Variants in AFAP1L2 observed in about 807,000 individuals in gnomAD.
AFAP1L2 encodes actin filament-associated protein 1-like 2.
In AFAP1L2, 46 loss-of-function variants were observed where a neutral mutation model predicts 99.3. The observed-to-expected ratio is 0.46, with a 90% CI of 0.37 to 0.59. The LOEUF (loss-of-function observed/expected upper bound fraction) is 0.59. Ranked by LOEUF, AFAP1L2 falls within the 20% of genes least tolerant of loss-of-function variation. The pLI, the probability that AFAP1L2 is intolerant of heterozygous loss-of-function variation, is 0.00. For missense variants in AFAP1L2, 959 were observed against 1,034.9 expected, an observed-to-expected ratio of 0.93 and a Z score of 1.01; for synonymous variants, 397 against 419.1, an observed-to-expected ratio of 0.95 and a Z score of 0.64.
chr10:114,296,294 C>A (rs1428265976), intron 18 of AFAP1L2: 3 of 563,476 alleles, frequency 5.3e-6, no homozygotes, highest in Non-Finnish European at 9.4e-6. Flanking sequence ...TCTCTCACAG[C>A]AACAAGGGAG....
chr10:114,323,277 A>G lies in AFAP1L2; in HGVS notation c.316-16T>C, dbSNP rs1311007807. 6.3e-7 allele frequency: 1 copy of G among 1,577,850 alleles called. No individual in the cohort carries two copies. Among genetic ancestry groups the G allele is most frequent in the East Asian group, 2.3e-5 (1 of 43,456 alleles). On this transcript the variant is annotated splice_polypyrimidine_tract_variant and intron_variant, in intron 4 of 18. Transcript: ENST00000304129. ...GTTCTGGAATCTGTGGTATGAACAA[A>G]TAAGACAAACGTTTGCAGATATGGT...
rs78362264 is a variant in AFAP1L2, at chr10:114,339,560, G to C, written c.145+1043C>G. On this transcript the variant is annotated intron_variant, in intron 2 of 18. Coordinates refer to ENST00000304129, the MANE Select transcript of AFAP1L2 (RefSeq NM_001001936.3). ...GGGTCAGTCCCGCACCATTGTTATG[G>C]GGTGAAGTGTGTCCCCTGAAAATTC... Among the ~76,000 whole-genome samples the C allele has an allele frequency of 5.4e-4, 83 of 152,348 alleles. 1 individual carries two copies. Among genetic ancestry groups the C allele is most frequent in the Non-Finnish European group, 1.0e-3 (70 of 68,032 alleles).
intron 10 of AFAP1L2, among the ~76,000 whole-genome samples, chr10:114,306,308 C>CGCGGGG (rs1564812603): frequency 9.4e-5 from 8 of 84,888 alleles, no homozygotes; most frequent in East Asian, 4.4e-4. Flanking sequence ...CAGGAGGGGA[C>CGCGGGG]GCAGATCCAG....
the AFAP1L2 span, among the ~76,000 whole-genome samples, chr10:114,285,591 A>G: frequency 6.6e-6 from 1 of 152,366 alleles, no homozygotes; most frequent in South Asian, 2.1e-4. Flanking sequence ...TGCAAAAGGC[A>G]AAGCAGTGAA....
intron 1 of AFAP1L2, among the ~76,000 whole-genome samples, chr10:114,397,640 T>C (rs2057851638): frequency 6.6e-6 from 1 of 152,128 alleles, no homozygotes; most frequent in Admixed American, 6.5e-5. Flanking sequence ...ACCAGGAAAG[T>C]CCCAAGCAAG....
At chr10:114,332,151 A>T (rs983171213) in intron 3 of AFAP1L2, among the ~76,000 whole-genome samples, 3 of 152,212 alleles carry the variant, frequency 2.0e-5, no homozygotes, top group African/African-American at 7.2e-5. Flanking sequence ...ATGTCAAAAA[A>T]AATGGTCTAG....
At position 114,331,788 on chromosome 10, in the gene AFAP1L2, T is replaced by C. The variant is rs760730940; in HGVS notation, c.315+15A>G. The C allele has an allele frequency of 1.5e-6, 2 of 1,370,306 alleles. No individual in the cohort carries two copies. Among genetic ancestry groups the C allele is most frequent in the Non-Finnish European group, 1.9e-6 (2 of 1,055,612 alleles). 84.9% of individuals were successfully genotyped at this position (1,370,306 alleles called of 1,614,324 possible). On this transcript the variant is annotated intron_variant, in intron 4 of 18. Transcript: ENST00000304129. Reference sequence around the variant, plus strand: ...CTCACGTCAGGGAAATCAGGGGTCCTGAACTGATGCTTACCATCTTGGGTG... The same window carrying C: ...CTCACGTCAGGGAAATCAGGGGTCCCGAACTGATGCTTACCATCTTGGGTG...
chr10:114,333,536 A>G (rs1590252193), intron 2 of AFAP1L2, among the ~76,000 whole-genome samples: 1 of 152,322 alleles, frequency 6.6e-6, no homozygotes, highest in East Asian at 1.9e-4. Context: ...GGCAGGTAAG[A>G]TACAGAAGGA....
intron 1 of AFAP1L2, among the ~76,000 whole-genome samples, chr10:114,368,803 C>T (rs1033976171): frequency 5.6e-5 from 8 of 143,528 alleles, no homozygotes; most frequent in Non-Finnish European, 1.5e-5. Flanking sequence ...CACACACACA[C>T]ACACACACAC....
chr10:114,337,044 C>T (rs1238993404), intron 2 of AFAP1L2, among the ~76,000 whole-genome samples: 2 of 152,198 alleles, frequency 1.3e-5, no homozygotes, highest in Admixed American at 1.3e-4. Context: ...TCTCAACAGG[C>T]TGAGCTAAGT....
chr10:114,295,929 C>G lies in AFAP1L2; in HGVS notation c.*113G>C, dbSNP rs1161184822. 6.9e-6 allele frequency: 11 copies of G among 1,597,952 alleles called. No homozygotes were observed. Among genetic ancestry groups the G allele is most frequent in the Non-Finnish European group, 8.5e-6 (10 of 1,170,828 alleles). Reference sequence around the variant, plus strand: ...AGCTCTCCATTCACAGTACCTCAGTCTTTGCTTTTTCTTCTAAACAGACTC... The same window carrying G: ...AGCTCTCCATTCACAGTACCTCAGTGTTTGCTTTTTCTTCTAAACAGACTC... On this transcript the variant is annotated 3_prime_UTR_variant, in exon 19 of 19. Transcript: ENST00000304129.
intron 1 of AFAP1L2, among the ~76,000 whole-genome samples, chr10:114,384,329 C>G (rs74157596): frequency 1.3e-4 from 19 of 151,610 alleles, no homozygotes; most frequent in Middle Eastern, 3.4e-3. Flanking sequence ...TGTCGTCCCC[C>G]CCCCGCTGCA....
At chr10:114,311,364 T>A (rs1226175004) in intron 7 of AFAP1L2, among the ~76,000 whole-genome samples, 1 of 152,208 alleles carries the variant, frequency 6.6e-6, no homozygotes, top group Non-Finnish European at 1.5e-5. Flanking sequence ...GTTAGAGTGA[T>A]TTCATAGATC....
chr10:114,280,746 T>C, the AFAP1L2 span: 1 of 152,102 alleles, frequency 6.6e-6, no homozygotes, highest in African/African-American at 2.4e-5. Context: ...TTGTTTTTAT[T>C]ATTATTTTTT....
At chr10:114,316,981 G>A (rs947064203) in intron 5 of AFAP1L2, among the ~76,000 whole-genome samples, 3 of 152,162 alleles carry the variant, frequency 2.0e-5, no homozygotes, top group Admixed American at 6.5e-5. Context: ...CCTGACTTCC[G>A]CATGGCAGTC....
At chr10:114,358,569 A>G (rs761474799) in intron 1 of AFAP1L2, among the ~76,000 whole-genome samples, 2 of 152,166 alleles carry the variant, frequency 1.3e-5, no homozygotes, top group Non-Finnish European at 2.9e-5. Flanking sequence ...TCAATGACAA[A>G]TAACAATAAC....
chr10:114,380,918 GAA>G (rs755421464), intron 1 of AFAP1L2, among the ~76,000 whole-genome samples: 4 of 152,212 alleles, frequency 2.6e-5, no homozygotes, highest in Non-Finnish European at 5.9e-5. Flanking sequence ...AGCTGTTTTA[GAA>G]AACAGTCTGT....
chr10:114,291,270 C>T (rs758577551), downstream of AFAP1L2: 29 of 1,544,794 alleles, frequency 1.9e-5, no homozygotes, highest in Non-Finnish European at 2.4e-5. Flanking sequence ...GGGCAGCAGC[C>T]GTACCCCTCC....
intron 9 of AFAP1L2, among the ~76,000 whole-genome samples, 187 bp from the exon 10 acceptor site, chr10:114,308,096 G>A (rs535250599): frequency 7.2e-5 from 11 of 152,230 alleles, no homozygotes; most frequent in African/African-American, 2.6e-4. Context: ...GCCACAGTCA[G>A]GTGTCTTTAA....
Sources: gnomAD v4.1 joint callset for allele counts (sites outside exome capture counted in the v4.1 genomes callset) on GRCh38, gnomAD v4.1.1 for gene constraint, MANE v1.5 for transcripts, NCBI Gene and HGNC (gene_info 2026-07-23, HGNC 2026-07-21) for gene names.